Variants in SLC17A1 observed in about 807,000 individuals in gnomAD.
SLC17A1 encodes the protein sodium-dependent phosphate transport protein 1.
A neutral mutation model predicts 53.5 loss-of-function variants in SLC17A1; 51 were observed. That is an observed-to-expected ratio of 0.95 (90% CI 0.76 to 1.20). The LOEUF is 1.20. SLC17A1 is among the 50% of genes most tolerant of loss of function. SLC17A1 has a pLI of 0.00. For missense variants in SLC17A1, 538 were observed against 568.2 expected (o/e 0.95, Z 0.54); for synonymous variants, 179 against 198.8 (o/e 0.90, Z 0.84).
chr6:25,739,773 G>A, the SLC17A1 span, among the ~76,000 whole-genome samples: 3 of 152,262 alleles, frequency 2.0e-5, no homozygotes, highest in African/African-American at 7.2e-5. Context: ...TGGTTTCCAG[G>A]GGTTTGGGAT....
intron 12 of SLC17A1, among the ~76,000 whole-genome samples, chr6:25,787,917 C>G (rs1763418099): frequency 6.6e-6 from 1 of 152,162 alleles, no homozygotes; most frequent in African/African-American, 2.4e-5. Context: ...ATGGAGATCC[C>G]TCTGAGGATT....
chr6:25,806,007 ATCC>A (rs1169493931), intron 10 of SLC17A1, among the ~76,000 whole-genome samples: 3 of 152,128 alleles, frequency 2.0e-5, no homozygotes, highest in Non-Finnish European at 4.4e-5. Flanking sequence ...GGAAGAGGGA[ATCC>A]TCCTTAACTC....
intron 10 of SLC17A1, among the ~76,000 whole-genome samples, chr6:25,809,747 C>T (rs961002918): frequency 6.6e-5 from 10 of 151,944 alleles, no homozygotes; most frequent in East Asian, 1.9e-4. Context: ...TGACATGTTT[C>T]GCAGAAATAG....
At chr6:25,723,773 C>T in the SLC17A1 span, among the ~76,000 whole-genome samples, 2 of 152,162 alleles carry the variant, frequency 1.3e-5, no homozygotes, top group African/African-American at 4.8e-5. Flanking sequence ...CCACTGCACT[C>T]GTCTGTGCGA....
At chr6:25,805,309 C>T (rs1194011319) in intron 10 of SLC17A1, among the ~76,000 whole-genome samples, 6 of 151,626 alleles carry the variant, frequency 4.0e-5, no homozygotes, top group African/African-American at 1.2e-4. Flanking sequence ...TTTGGGTTAA[C>T]AATGAAATCA....
intron 10 of SLC17A1, among the ~76,000 whole-genome samples, chr6:25,809,415 G>A (rs1056968790): frequency 5.9e-5 from 9 of 151,870 alleles, no homozygotes; most frequent in African/African-American, 1.7e-4. Flanking sequence ...TTTTAGCAAC[G>A]CTTTTGAGAG....
the SLC17A1 span, chr6:25,768,523 C>A: frequency 2.5e-6 from 1 of 405,314 alleles, no homozygotes; most frequent in Non-Finnish European, 3.4e-6. Flanking sequence ...CTCTCCCCAG[C>A]CCCAGACAAG....
chr6:25,756,200 C>T, the SLC17A1 span, among the ~76,000 whole-genome samples: 1 of 152,124 alleles, frequency 6.6e-6, no homozygotes, highest in Admixed American at 6.5e-5. Context: ...CTGCCCACCC[C>T]TTTGATCTCA....
At chr6:25,769,317 C>T in the SLC17A1 span, 1 of 904,416 alleles carries the variant, frequency 1.1e-6, no homozygotes, top group Non-Finnish European at 1.7e-6. Flanking sequence ...AGGAATGGCA[C>T]AAGTACCTAA....
intron 12 of SLC17A1, among the ~76,000 whole-genome samples, chr6:25,793,244 G>A (rs527249095): frequency 2.6e-5 from 4 of 152,218 alleles, no homozygotes; most frequent in African/African-American, 9.6e-5. Flanking sequence ...CCCAGAGTAT[G>A]TAAATTCACA....
the SLC17A1 span, among the ~76,000 whole-genome samples, chr6:25,772,299 C>T: frequency 6.6e-6 from 1 of 152,078 alleles, no homozygotes; most frequent in African/African-American, 2.4e-5. Context: ...ATCCTCCAAC[C>T]CCAATGTGCA....
At chr6:25,794,174 G>A (rs1374707947) in intron 12 of SLC17A1, among the ~76,000 whole-genome samples, 2 of 152,154 alleles carry the variant, frequency 1.3e-5, no homozygotes, top group African/African-American at 2.4e-5. Flanking sequence ...ACCTGAGTGG[G>A]AACCTGGGAG....
chr6:25,773,664 A>G, the SLC17A1 span: 6 of 1,613,296 alleles, frequency 3.7e-6, no homozygotes, highest in Non-Finnish European at 5.1e-6. Flanking sequence ...CTTCAAGCCA[A>G]CCTCAGAGAT....
chr6:25,811,250 T>A (rs1344678249), intron 10 of SLC17A1, 148 bp downstream of exon 10: 1 of 780,966 alleles, frequency 1.3e-6, no homozygotes, highest in Admixed American at 2.6e-5. Flanking sequence ...ACAAAAATGC[T>A]AAGTGTGTGA....
the SLC17A1 span, among the ~76,000 whole-genome samples, chr6:25,736,388 G>A: frequency 5.3e-5 from 8 of 152,202 alleles, no homozygotes; most frequent in South Asian, 2.1e-4. Context: ...CCATGGCCCC[G>A]TATCTCAGTA....
At chr6:25,768,968 T>C in the SLC17A1 span, 10 of 1,612,360 alleles carry the variant, frequency 6.2e-6, no homozygotes, top group African/African-American at 1.3e-5. Flanking sequence ...TGATTTTTCA[T>C]GCCCTTTTCC....
At chr6:25,765,021 C>T in the SLC17A1 span, among the ~76,000 whole-genome samples, 2 of 152,194 alleles carry the variant, frequency 1.3e-5, no homozygotes, top group Non-Finnish European at 2.9e-5. Context: ...ACATACACCA[C>T]CACATTATAG....
At chr6:25,809,375 A>T (rs1283183218) in intron 10 of SLC17A1, among the ~76,000 whole-genome samples, 1 of 152,078 alleles carries the variant, frequency 6.6e-6, no homozygotes. Context: ...CTGTATTTGC[A>T]TGCCTTAAAT....
downstream of SLC17A1, among the ~76,000 whole-genome samples, chr6:25,778,851 A>G (rs1164582335): frequency 6.6e-6 from 1 of 152,192 alleles, no homozygotes; most frequent in Non-Finnish European, 1.5e-5. Flanking sequence ...TATCTGGAGG[A>G]GGAGCGTTCC....
Sources: allele counts gnomAD v4.1 joint callset (sites outside exome capture counted in the v4.1 genomes callset), GRCh38; gene constraint gnomAD v4.1.1; transcripts MANE v1.5; gene names NCBI Gene and HGNC (gene_info 2026-07-23, HGNC 2026-07-21).